Variants in BST1 observed in about 807,000 individuals in gnomAD.
BST1 encodes the protein ADP-ribosyl cyclase/cyclic ADP-ribose hydrolase 2.
BST1 carries 49 observed loss-of-function variants against 40.6 expected under a neutral mutation model. The observed-to-expected ratio is 1.21, with a 90% CI of 0.96 to 1.53. The LOEUF is 1.53. BST1 is among the 40% of genes most tolerant of loss of function. BST1 has a pLI of 0.00. For synonymous variants in BST1, 157 were observed against 159.3 expected (o/e 0.99, Z 0.11); for missense variants, 423 against 395.9 (o/e 1.07, Z -0.58).
intron 8 of BST1, among the ~76,000 whole-genome samples, chr4:15,726,623 G>A (rs1246582762): frequency 6.6e-6 from 1 of 152,202 alleles, no homozygotes; most frequent in Admixed American, 6.5e-5. Context: ...GTCTTGGATA[G>A]GGAAGTGTCT....
chr4:15,733,071 C>A (rs962572042), downstream of BST1, among the ~76,000 whole-genome samples: 14 of 152,038 alleles, frequency 9.2e-5, no homozygotes, highest in African/African-American at 3.1e-4. Flanking sequence ...TTGTGAAGAG[C>A]GAAAAAACAA....
intron 8 of BST1, chr4:15,723,649 C>A: frequency 2.1e-6 from 2 of 958,006 alleles, no homozygotes; most frequent in Non-Finnish European, 2.5e-6. Flanking sequence ...AAATATAATC[C>A]TTGATTATAT....
intron 6 of BST1, among the ~76,000 whole-genome samples, chr4:15,717,001 T>G (rs1463049949): frequency 2.0e-5 from 3 of 152,104 alleles, no homozygotes; most frequent in Non-Finnish European, 4.4e-5. Context: ...GGTCTTGAAT[T>G]CCTGACCTCA....
chr4:15,735,966 G>A, downstream of BST1: 1 of 750,962 alleles, frequency 1.3e-6, no homozygotes, highest in Non-Finnish European at 1.9e-6. Context: ...AGAAAAATTA[G>A]GAAGAAGGCA....
intron 3 of BST1, among the ~76,000 whole-genome samples, chr4:15,708,722 T>C (rs1374203092): frequency 6.6e-6 from 1 of 151,880 alleles, no homozygotes; most frequent in Non-Finnish European, 1.5e-5. Flanking sequence ...CTACTAAAAA[T>C]ACAAAAAAAT....
downstream of BST1, among the ~76,000 whole-genome samples, chr4:15,735,157 A>G (rs1247900275): frequency 6.6e-6 from 1 of 152,096 alleles, no homozygotes; most frequent in Non-Finnish European, 1.5e-5. Context: ...CCTGTCTCCC[A>G]TCTGGCAGAC....
chr4:15,739,619 A>G (rs530653858), downstream of BST1, among the ~76,000 whole-genome samples: 11 of 149,476 alleles, frequency 7.4e-5, no homozygotes, highest in East Asian at 2.0e-3. Context: ...CAAAAGTAGA[A>G]GGGTTTTCAT....
At chr4:15,737,718 C>A (rs1382952038), downstream of BST1, 7 of 1,143,782 alleles carry the variant, frequency 6.1e-6, no homozygotes, top group Non-Finnish European at 8.2e-6. Flanking sequence ...GTACCAGGTA[C>A]CTTACACTTG....
chr4:15,764,873 G>GGT, the BST1 span, among the ~76,000 whole-genome samples: 1,472 of 137,448 alleles, frequency 0.011, 33 homozygotes, highest in African/African-American at 0.033. Context: ...AATTAGGTGA[G>GGT]GTGTGTGTGT....
chr4:15,711,709 C>T (rs1240380272), intron 3 of BST1, 98 bp from the exon 4 acceptor site: 1 of 964,940 alleles, frequency 1.0e-6, no homozygotes, highest in African/African-American at 1.6e-5. Context: ...AGAATGGAAG[C>T]TAAGTATACA....
At chr4:15,745,384 T>C in the BST1 span, among the ~76,000 whole-genome samples, 1 of 152,194 alleles carries the variant, frequency 6.6e-6, no homozygotes, top group Non-Finnish European at 1.5e-5. Context: ...TAAAGGAAAA[T>C]GTATTGTTTC....
At chr4:15,741,096 G>T (rs936548104), downstream of BST1, among the ~76,000 whole-genome samples, 2 of 138,096 alleles carry the variant, frequency 1.4e-5, no homozygotes, top group Non-Finnish European at 3.0e-5. Flanking sequence ...TATATCTAGC[G>T]ACAAAAGATT....
the BST1 span, among the ~76,000 whole-genome samples, chr4:15,772,551 G>A: frequency 1.3e-5 from 2 of 152,198 alleles, no homozygotes; most frequent in Non-Finnish European, 2.9e-5. Flanking sequence ...CTGAGGAGGG[G>A]ACACCCAGAA....
the BST1 span, among the ~76,000 whole-genome samples, chr4:15,766,503 G>A: frequency 6.6e-6 from 1 of 151,860 alleles, no homozygotes; most frequent in African/African-American, 2.4e-5. Context: ...AAAGCATTTT[G>A]AGGCATCTTG....
chr4:15,722,629 C>T (rs368227844), intron 7 of BST1, among the ~76,000 whole-genome samples: 36 of 140,880 alleles, frequency 2.6e-4, no homozygotes, highest in Middle Eastern at 4.0e-3. Context: ...GCCAAGGTCT[C>T]GCTATGTTGC....
chr4:15,757,011 C>A, the BST1 span, among the ~76,000 whole-genome samples: 2 of 152,060 alleles, frequency 1.3e-5, no homozygotes, highest in Non-Finnish European at 2.9e-5. Flanking sequence ...TAAAAGAAAT[C>A]TATATTAGTA....
chr4:15,747,224 G>A, the BST1 span, among the ~76,000 whole-genome samples: 1 of 152,148 alleles, frequency 6.6e-6, no homozygotes, highest in Non-Finnish European at 1.5e-5. Flanking sequence ...GATTGTAAAG[G>A]TCAAGCAATA....
At chr4:15,712,171 T>C (rs1400186477) in intron 4 of BST1, among the ~76,000 whole-genome samples, 2 of 152,226 alleles carry the variant, frequency 1.3e-5, no homozygotes, top group African/African-American at 4.8e-5. Flanking sequence ...GTCCTGGTTA[T>C]CATTAGTATT....
chr4:15,711,917 T>C lies in BST1; in HGVS notation c.534+28T>C, dbSNP rs772884433. On this transcript the variant is annotated intron_variant, in intron 4 of 8. Transcript: ENST00000265016. ...AATGCTGGGATGATATCTGAGTGGT[T>C]GAGCATGTGTGGGACCCATAGAGAT... 3.8e-6 allele frequency: 6 copies of C among 1,584,760 alleles called. No homozygotes were observed. The East Asian group carries it at 6.7e-5, about 18-fold the overall frequency.
Sources: gnomAD v4.1 joint callset for allele counts (sites outside exome capture counted in the v4.1 genomes callset) on GRCh38, gnomAD v4.1.1 for gene constraint, MANE v1.5 for transcripts, NCBI Gene and HGNC (gene_info 2026-07-23, HGNC 2026-07-21) for gene names.